The following MIIP variants were observed in gnomAD, a reference collection of about 807,000 sequenced individuals.
MIIP encodes the protein migration and invasion-inhibitory protein.
Under a neutral mutation model 44.8 loss-of-function variants are expected in MIIP, and 44 were observed. The ratio of observed to expected loss-of-function variants is 0.98; its 90% CI spans 0.77 to 1.26. The LOEUF is 1.26. Ranked by LOEUF, MIIP falls within the 50% of genes most tolerant of loss-of-function variation. The pLI, the probability that MIIP is intolerant of heterozygous loss-of-function variation, is 0.00. For missense variants in MIIP, 496 were observed against 511.7 expected, an observed-to-expected ratio of 0.97 and a Z score of 0.30; for synonymous variants, 225 against 218.3, an observed-to-expected ratio of 1.03 and a Z score of -0.27.
intron 1 of MIIP, among the ~76,000 whole-genome samples, chr1:12,021,266 C>T (rs1259003057): frequency 8.6e-5 from 13 of 151,724 alleles, no homozygotes; most frequent in South Asian, 2.1e-4. Flanking sequence ...TGGTGGCAGG[C>T]GCCTGTAGTC....
rs1569937844 is a variant in MIIP at position 12,032,032 on chromosome 1, G to T, written c.*224G>T. ...TGGAAGTTTGTAAATAAAGCTCAGT[G>T]CTCTGCAGCTCAAGTCCCACGTGTG... On this transcript the variant is annotated 3_prime_UTR_variant, in exon 10 of 10. Coordinates refer to ENST00000235332, the MANE Select transcript of MIIP (RefSeq NM_021933.4). 3.4e-6 allele frequency: 2 copies of T among 585,372 alleles called. No individual in the cohort carries two copies. The highest frequency in any genetic ancestry group is 5.7e-5 in the East Asian group (2 of 34,944). The allele number at this position is 585,372 out of a possible 1,614,324, so 36.3% of individuals were successfully genotyped here.
chr1:12,023,127 G>A (rs1215841893), intron 4 of MIIP, among the ~76,000 whole-genome samples: 2 of 145,542 alleles, frequency 1.4e-5, no homozygotes, highest in Non-Finnish European at 1.5e-5. Flanking sequence ...GCAGTAGTGT[G>A]ATGTTGGCTC....
intron 1 of MIIP, among the ~76,000 whole-genome samples, chr1:12,020,107 C>T (rs1008285077): frequency 6.6e-6 from 1 of 152,170 alleles, no homozygotes; most frequent in South Asian, 2.1e-4. Context: ...CCCAGGCTCC[C>T]CCACACTTCC....
chr1:12,029,629 T>A, intron 6 of MIIP, 136 bp from the exon 7 acceptor site: 1 of 1,222,608 alleles, frequency 8.2e-7, no homozygotes, highest in Non-Finnish European at 1.1e-6. Flanking sequence ...AGGAAAGGGG[T>A]TAGGAGGAAA....
intron 1 of MIIP, 52 bp from the exon 2 acceptor site, chr1:12,021,593 T>C (rs1639976661): frequency 4.2e-6 from 3 of 709,900 alleles, no homozygotes; most frequent in Non-Finnish European, 7.2e-6. Flanking sequence ...TGGGGGTCTC[T>C]GGCACCACAG....
chr1:12,020,841 G>A (rs1332132505), intron 1 of MIIP, among the ~76,000 whole-genome samples: 6 of 152,196 alleles, frequency 3.9e-5, no homozygotes, highest in Non-Finnish European at 5.9e-5. Context: ...GTGCCACCAC[G>A]CCCGGCTAAT....
intron 8 of MIIP, 65 bp downstream of exon 8, chr1:12,030,189 C>G (rs1640206935): frequency 6.7e-7 from 1 of 1,493,674 alleles, no homozygotes; most frequent in African/African-American, 1.4e-5. Context: ...CCCAGATCCC[C>G]AGGGAGGGTC....
chr1:12,025,204 T>C (rs1569921832), intron 4 of MIIP, among the ~76,000 whole-genome samples: 3 of 151,684 alleles, frequency 2.0e-5, no homozygotes, highest in African/African-American at 7.3e-5. Flanking sequence ...GTATTACAGG[T>C]GTGCGCCACC....
rs1160928911 is a variant in MIIP at position 12,029,793 on chromosome 1, C to A, written c.744C>A (p.Arg248=). Residue 248 remains arginine, a synonymous_variant, in exon 7 of 10, where the codon CGC becomes CGA. Coordinates refer to ENST00000235332, the MANE Select transcript of MIIP (RefSeq NM_021933.4). ...ECVYCYRVNR[R]LFPVPVDPGT... The stretch of plus-strand genomic sequence containing the variant: ...TGTACTGTTACCGTGTCAACCGGCG[C>A]CTGTTCCCGGTGCCTGTGGATCCCG... 2 of 1,613,260 alleles carry A rather than the reference C, an allele frequency of 1.2e-6. No individual in the cohort carries two copies. Among genetic ancestry groups the A allele is most frequent in the Admixed American group, 3.3e-5 (2 of 59,976 alleles).
intron 9 of MIIP, 116 bp downstream of exon 9, chr1:12,031,519 G>A (rs952132642): frequency 1.9e-6 from 3 of 1,561,262 alleles, no homozygotes; most frequent in African/African-American, 2.7e-5. Flanking sequence ...GGAGGATGGA[G>A]CCTGGGAGTG....
Position 12,029,819 on chromosome 1 carries a change from G to C in MIIP, c.770G>C (p.Gly257Ala). Residue 257 changes from glycine to alanine, a missense_variant, in exon 7 of 10, where the codon GGT (glycine) becomes GCT (alanine). Physicochemically the swap from Gly to Ala is moderately conservative, Grantham distance 60. Transcript: ENST00000235332. ...RRLFPVPVDP[G>A]TPCRLCRTPR... ...CTGTTCCCGGTGCCTGTGGATCCCG[G>C]TACCCCCTGCCGCCTGTGCAGGACA... The C allele has an allele frequency of 6.2e-7, 1 of 1,613,302 alleles. No individual in the cohort carries two copies. Among genetic ancestry groups the C allele is most frequent in the East Asian group, 2.2e-5 (1 of 44,874 alleles).
At chr1:12,028,660 A>G in intron 4 of MIIP, 1 of 186,028 alleles carries the variant, frequency 5.4e-6, no homozygotes, top group Admixed American at 5.6e-5. Context: ...ATCAGCATTC[A>G]GTCTTGTATC....
intron 4 of MIIP, among the ~76,000 whole-genome samples, chr1:12,027,857 A>G (rs904335699): frequency 1.3e-5 from 2 of 152,234 alleles, no homozygotes; most frequent in Non-Finnish European, 2.9e-5. Context: ...TAAATAGGTC[A>G]GGCCATAAAC....
intron 4 of MIIP, among the ~76,000 whole-genome samples, chr1:12,025,822 C>T (rs1348884932): frequency 6.6e-6 from 1 of 152,262 alleles, no homozygotes; most frequent in African/African-American, 2.4e-5. Flanking sequence ...CTCAGCCTCC[C>T]AGGTAGCTGG....
rs181955530 is a variant in MIIP, at chr1:12,022,332, G to A, written c.352G>A (p.Gly118Ser). 13 of 1,613,840 alleles carry A rather than the reference G, an allele frequency of 8.1e-6. No homozygotes were observed. In the East Asian group the frequency reaches 2.9e-4, roughly 36 times the overall value. Residue 118 changes from glycine to serine, a missense_variant, in exon 3 of 10, where the codon GGC (glycine) becomes AGC (serine). Physicochemically the swap from Gly to Ser is moderately conservative, Grantham distance 56. Transcript: ENST00000235332. ...GAGACCCCACTCAGCACCCTCGCTGGGCACCTCAAGCCTGAGGGACCCAGA... is the reference window on the plus strand; with the variant it reads ...GAGACCCCACTCAGCACCCTCGCTGAGCACCTCAAGCCTGAGGGACCCAGA... ...RPRPHSAPSL[G>S]TSSLRDPEPS... is the part of the protein sequence containing the mutation.
intron 1 of MIIP, among the ~76,000 whole-genome samples, chr1:12,019,980 A>G (rs2100891065): frequency 6.6e-6 from 1 of 152,330 alleles, no homozygotes; most frequent in South Asian, 2.1e-4. Flanking sequence ...GCGGGGTAAT[A>G]TACGTGTGTG....
intron 1 of MIIP, among the ~76,000 whole-genome samples, chr1:12,020,428 A>G (rs907205274): frequency 1.3e-5 from 2 of 152,232 alleles, no homozygotes; most frequent in Non-Finnish European, 2.9e-5. Context: ...CATTTTGGTA[A>G]TAATAGACGT....
In MIIP at chr1:12,031,879, A is replaced by C; in HGVS notation, c.*71A>C. The C allele has an allele frequency of 6.8e-7, 1 of 1,466,028 alleles. No individual in the cohort carries two copies. Among genetic ancestry groups the C allele is most frequent in the Non-Finnish European group, 9.5e-7 (1 of 1,057,558 alleles). The allele number at this position is 1,466,028 out of a possible 1,614,324, so 90.8% of individuals were successfully genotyped here. ...CTCCCCTCTGGCAGGCGCACCCAGG[A>C]GATGGAATCCCCTGCCCGCCCAGCT... On this transcript the variant is annotated 3_prime_UTR_variant, in exon 10 of 10. Coordinates refer to ENST00000235332, the MANE Select transcript of MIIP (RefSeq NM_021933.4).
intron 4 of MIIP, among the ~76,000 whole-genome samples, chr1:12,025,773 T>C (rs1243189961): frequency 6.6e-6 from 1 of 152,152 alleles, no homozygotes; most frequent in Non-Finnish European, 1.5e-5. Flanking sequence ...TTATTTCTGC[T>C]CATTGCAACC....
Sources: gnomAD v4.1 joint callset for allele counts (sites outside exome capture counted in the v4.1 genomes callset) on GRCh38, gnomAD v4.1.1 for gene constraint, MANE v1.5 for transcripts, NCBI Gene and HGNC (gene_info 2026-07-23, HGNC 2026-07-21) for gene names.